The following ARHGAP15 variants were observed in gnomAD, a reference collection of about 807,000 sequenced individuals.
ARHGAP15 encodes the protein Rho GTPase activating protein 15.
A neutral mutation model predicts 63.7 loss-of-function variants in ARHGAP15; 51 were observed. The ratio of observed to expected loss-of-function variants is 0.80; its 90% CI spans 0.64 to 1.01. The LOEUF (loss-of-function observed/expected upper bound fraction) is 1.01. Among genes scored for constraint, ARHGAP15 ranks in the 50% least tolerant of loss-of-function variants. The probability of loss-of-function intolerance (pLI) is 0.00; values close to 1 mark genes in which losing one functional copy is unlikely to be tolerated. For missense variants in ARHGAP15, 560 were observed against 564.6 expected, an observed-to-expected ratio of 0.99 and a Z score of 0.08; for synonymous variants, 191 against 193.8, an observed-to-expected ratio of 0.99 and a Z score of 0.12.
intron 13 of ARHGAP15, among the ~76,000 whole-genome samples, chr2:143,717,296 A>G (rs1024244428): frequency 6.6e-6 from 1 of 152,234 alleles, no homozygotes; most frequent in African/African-American, 2.4e-5. Flanking sequence ...CACGTGTATC[A>G]GATACCGTGG....
intron 2 of ARHGAP15, among the ~76,000 whole-genome samples, chr2:143,191,926 G>A (rs533892421): frequency 6.6e-6 from 1 of 152,204 alleles, no homozygotes; most frequent in South Asian, 2.1e-4. Context: ...AGAAAAAAAT[G>A]GCAGACTTTC....
chr2:143,220,128 TTTAAG>T (rs1692930156), intron 4 of ARHGAP15, among the ~76,000 whole-genome samples: 1 of 152,196 alleles, frequency 6.6e-6, no homozygotes, highest in South Asian at 2.1e-4. Flanking sequence ...TTACTTGATT[TTTAAG>T]TTGAGTCTGG....
intron 6 of ARHGAP15, among the ~76,000 whole-genome samples, chr2:143,376,711 A>G (rs984528243): frequency 2.6e-5 from 4 of 151,906 alleles, no homozygotes; most frequent in African/African-American, 9.7e-5. Flanking sequence ...ATTTAATTTA[A>G]ATTCATACTT....
At chr2:143,565,049 T>A (rs1696170077) in intron 11 of ARHGAP15, among the ~76,000 whole-genome samples, 1 of 152,202 alleles carries the variant, frequency 6.6e-6, no homozygotes, top group Non-Finnish European at 1.5e-5. Context: ...AACTTTATTA[T>A]CCACATTCTT....
chr2:143,634,009 C>G (rs1680177304), intron 12 of ARHGAP15, among the ~76,000 whole-genome samples: 1 of 152,080 alleles, frequency 6.6e-6, no homozygotes, highest in Admixed American at 6.6e-5. Context: ...GATTCTAGTT[C>G]TAAAATACAC....
At chr2:143,319,209 T>C (rs1683878870) in intron 6 of ARHGAP15, among the ~76,000 whole-genome samples, 1 of 151,830 alleles carries the variant, frequency 6.6e-6, no homozygotes, top group East Asian at 1.9e-4. Context: ...GGCAAAAGAT[T>C]TTCTTTATTG....
chr2:143,259,485 A>G (rs1450472215), intron 6 of ARHGAP15, among the ~76,000 whole-genome samples: 3 of 152,214 alleles, frequency 2.0e-5, no homozygotes, highest in African/African-American at 7.2e-5. Flanking sequence ...TTACTAAAGT[A>G]AGGATTGTTC....
At chr2:143,246,961 C>T (rs966977910) in intron 5 of ARHGAP15, among the ~76,000 whole-genome samples, 4 of 152,214 alleles carry the variant, frequency 2.6e-5, no homozygotes, top group East Asian at 3.9e-4. Flanking sequence ...GTGATAAACC[C>T]GTGCCAGGTA....
At chr2:143,288,837 C>T (rs1243307264) in intron 6 of ARHGAP15, among the ~76,000 whole-genome samples, 3 of 151,962 alleles carry the variant, frequency 2.0e-5, no homozygotes, top group African/African-American at 4.8e-5. Flanking sequence ...GCAAGACACC[C>T]AACTGCTGCT....
chr2:143,555,195 C>G (rs972448382), intron 10 of ARHGAP15, among the ~76,000 whole-genome samples: 3 of 152,112 alleles, frequency 2.0e-5, no homozygotes, highest in African/African-American at 7.2e-5. Context: ...ATATTTTGCA[C>G]AATGGCAGAA....
At chr2:143,499,767 T>C (rs1175957366) in intron 9 of ARHGAP15, among the ~76,000 whole-genome samples, 1 of 152,096 alleles carries the variant, frequency 6.6e-6, no homozygotes, top group Non-Finnish European at 1.5e-5. Context: ...CTTCAACTCA[T>C]AAAAACCAAA....
intron 12 of ARHGAP15, among the ~76,000 whole-genome samples, chr2:143,635,119 A>G (rs1680239035): frequency 6.7e-6 from 1 of 150,322 alleles, no homozygotes; most frequent in African/African-American, 2.5e-5. Flanking sequence ...TTGCCACACA[A>G]TACTCTAGCT....
At chr2:143,732,159 G>A (rs949357410) in intron 13 of ARHGAP15, among the ~76,000 whole-genome samples, 1 of 152,160 alleles carries the variant, frequency 6.6e-6, no homozygotes. Context: ...TGTTGCCTCT[G>A]GACAGATGTG....
chr2:143,456,688 A>G (rs1193954329), intron 8 of ARHGAP15, among the ~76,000 whole-genome samples: 1 of 152,088 alleles, frequency 6.6e-6, no homozygotes, highest in African/African-American at 2.4e-5. Context: ...TTTGGAGTCT[A>G]GATTATAACT....
At chr2:143,661,032 G>A (rs1272867830) in intron 12 of ARHGAP15, among the ~76,000 whole-genome samples, 1 of 152,098 alleles carries the variant, frequency 6.6e-6, no homozygotes, top group Non-Finnish European at 1.5e-5. Flanking sequence ...GTTTCTAGAG[G>A]CCTCCCACAT....
intron 3 of ARHGAP15, among the ~76,000 whole-genome samples, chr2:143,206,869 G>A (rs529465369): frequency 3.3e-5 from 5 of 152,018 alleles, no homozygotes; most frequent in Middle Eastern, 3.4e-3. Context: ...TGAAGTAGTC[G>A]ATGAAACATG....
intron 8 of ARHGAP15, 130 bp downstream of exon 8, chr2:143,437,172 C>A: frequency 8.9e-7 from 1 of 1,127,130 alleles, no homozygotes; most frequent in Non-Finnish European, 1.2e-6. Context: ...ATTTCCTGGC[C>A]AGGGATTTGT....
intron 1 of ARHGAP15, among the ~76,000 whole-genome samples, chr2:143,152,867 G>A (rs1175669821): frequency 6.6e-6 from 1 of 151,892 alleles, no homozygotes; most frequent in Non-Finnish European, 1.5e-5. Context: ...GGCTGGAGGA[G>A]AGACAGTGAG....
intron 11 of ARHGAP15, among the ~76,000 whole-genome samples, chr2:143,580,357 C>T (rs1479031090): frequency 6.6e-6 from 1 of 152,134 alleles, no homozygotes; most frequent in Non-Finnish European, 1.5e-5. Context: ...AACATATTCT[C>T]CAGAAGCTGA....
Sources: allele counts gnomAD v4.1 joint callset (sites outside exome capture counted in the v4.1 genomes callset), GRCh38; gene constraint gnomAD v4.1.1; transcripts MANE v1.5; gene names NCBI Gene and HGNC (gene_info 2026-07-23, HGNC 2026-07-21).